The following MYH9 variants were observed in gnomAD, a reference collection of about 807,000 sequenced individuals.
The protein encoded by MYH9 is myosin-9.
In MYH9, 29 loss-of-function variants were observed where a neutral mutation model predicts 241.9. The ratio of observed to expected loss-of-function variants is 0.12; its 90% CI spans 0.09 to 0.16. MYH9 has a LOEUF of 0.16. MYH9 is among the 10% of genes least tolerant of loss of function. MYH9 has a pLI of 1.00. For missense variants in MYH9, 1,803 were observed against 2,595.5 expected (o/e 0.69, Z 6.63); for synonymous variants, 1,047 against 1,062.6 (o/e 0.99, Z 0.29).
intron 1 of MYH9, among the ~76,000 whole-genome samples, chr22:36,381,017 T>G (rs1323754958): frequency 6.6e-6 from 1 of 152,174 alleles, no homozygotes; most frequent in Admixed American, 6.5e-5. Context: ...GTTACTCTAG[T>G]GATGTGACAT....
chr22:36,298,856 C>T (rs1039621890), intron 24 of MYH9, 63 bp downstream of exon 24: 1 of 1,604,702 alleles, frequency 6.2e-7, no homozygotes, highest in Non-Finnish European at 8.5e-7. Context: ...ACAGGCCGGC[C>T]CCTGACCGCC....
chr22:36,294,988 G>T lies in MYH9; in HGVS notation c.3574C>A (p.Gln1192Lys). ...THEAQIQEMR[Q>K]KHSQAVEELA... ...TCCTCCACGGCCTGTGAGTGCTTCT[G>T]CCTCATCTCCTGGATCTGGGCCTCG... The change falls in exon 27 of 41, where the codon CAG becomes AAG. Residue 1192 changes from glutamine (Q) to lysine (K), a missense_variant. Transcript: ENST00000216181. 6.2e-7 allele frequency: 1 copy of T among 1,614,172 alleles called. No individual in the cohort carries two copies. The highest frequency in any genetic ancestry group is 8.5e-7 in the Non-Finnish European group (1 of 1,180,046).
chr22:36,363,329 G>C (rs947063064), intron 1 of MYH9, among the ~76,000 whole-genome samples: 3 of 152,210 alleles, frequency 2.0e-5, no homozygotes, highest in African/African-American at 7.2e-5. Context: ...CTCTTGCCCA[G>C]GGTGCTGCAG....
intron 1 of MYH9, among the ~76,000 whole-genome samples, chr22:36,378,653 G>A (rs1306084630): frequency 2.0e-5 from 3 of 152,112 alleles, no homozygotes; most frequent in Non-Finnish European, 2.9e-5. Context: ...AAGTGGTCAC[G>A]TCCAGCTGGA....
chr22:36,356,029 G>A (rs1053881208), intron 1 of MYH9, among the ~76,000 whole-genome samples: 4 of 152,202 alleles, frequency 2.6e-5, no homozygotes, highest in Non-Finnish European at 5.9e-5. Flanking sequence ...CAGTCTGCCA[G>A]GAGTTGACCT....
Position 36,290,661 on chromosome 22 carries a change from G to A in MYH9, c.4344+1325C>T, listed in dbSNP as rs1006188479. 2.6e-4 allele frequency among the ~76,000 whole-genome samples: 40 copies of A among 151,010 alleles called. 1 individual carries two copies. Among genetic ancestry groups the A allele is most frequent in the Non-Finnish European group, 4.7e-4 (32 of 67,822 alleles). On this transcript the variant is annotated intron_variant, in intron 31 of 40. Transcript: ENST00000216181. Reference sequence around the variant, plus strand: ...CCTGGCTGCCCAGTCTGGAAGGTGAGGGGTGTCTCTGCCCGGCCGCCATCC... The same window carrying A: ...CCTGGCTGCCCAGTCTGGAAGGTGAAGGGTGTCTCTGCCCGGCCGCCATCC...
Position 36,320,983 on chromosome 22 carries a change from C to T in MYH9, c.770-87G>A, listed in dbSNP as rs1486714077. 17 of 1,074,882 alleles carry T rather than the reference C, an allele frequency of 1.6e-5. No individual in the cohort carries two copies. Among genetic ancestry groups the T allele is most frequent in the South Asian group, 1.2e-4 (9 of 75,386 alleles). The allele number at this position is 1,074,882 out of a possible 1,614,324, so 66.6% of individuals were successfully genotyped here. ...TTTTTTTTTTTTGGAGACAGAGTCT[C>T]GCTCTGTCACCCAGGTTGGAGTGCA... On this transcript the variant is annotated intron_variant, in intron 7 of 40. Coordinates refer to ENST00000216181, the MANE Select transcript of MYH9 (RefSeq NM_002473.6). The surrounding 1 kb of genome is among the most constrained non-coding windows in gnomAD (Gnocchi z 4.8).
chr22:36,339,116 G>A (rs1288995698), intron 3 of MYH9, among the ~76,000 whole-genome samples: 1 of 152,188 alleles, frequency 6.6e-6, no homozygotes, highest in Non-Finnish European at 1.5e-5. Flanking sequence ...TGAATCTCTT[G>A]GAGAAGGAGT....
chr22:36,308,569 G>A (rs941077024), intron 15 of MYH9, among the ~76,000 whole-genome samples: 1 of 152,044 alleles, frequency 6.6e-6, no homozygotes, highest in Non-Finnish European at 1.5e-5. Flanking sequence ...AGATTTGAAT[G>A]TGACGTCTCC....
chr22:36,282,268 C>T lies in MYH9; in HGVS notation c.*400G>A, dbSNP rs184405957. ...CAGACGTCAGGGAGGCTGACGACTG[C>T]GGGGGCTCCGACTACCAAAAGGCCT... is the stretch of plus-strand genomic sequence containing the variant. On this transcript the variant is annotated 3_prime_UTR_variant, in exon 41 of 41. Coordinates refer to ENST00000216181, the MANE Select transcript of MYH9 (RefSeq NM_002473.6). The T allele has an allele frequency of 1.3e-5, 5 of 381,120 alleles. No individual in the cohort carries two copies. Among genetic ancestry groups the T allele is most frequent in the Admixed American group, 4.1e-5 (1 of 24,340 alleles). 23.6% of individuals were successfully genotyped at this position (381,120 alleles called of 1,614,324 possible). A position where few individuals can be genotyped will look rare whatever the true frequency, so the allele number is the denominator to read the frequency against.
In MYH9 at chr22:36,288,248, T is replaced by C; in HGVS notation, c.4932+4A>G. The C allele has an allele frequency of 6.2e-7, 1 of 1,610,420 alleles. No homozygotes were observed. The highest frequency in any genetic ancestry group is 8.5e-7 in the Non-Finnish European group (1 of 1,177,826). ...ACCCTCACCTGGGCCCCGCCCACCC[T>C]TACCTGCAGCTTCCGCAGCTGTTTG... On this transcript the variant is annotated splice_donor_region_variant and intron_variant, in intron 34 of 40. Transcript: ENST00000216181. The surrounding 1 kb of genome is among the most constrained non-coding windows in gnomAD (Gnocchi z 4.8).
chr22:36,375,612 C>T (rs909307662), intron 1 of MYH9, among the ~76,000 whole-genome samples: 6 of 152,230 alleles, frequency 3.9e-5, no homozygotes, highest in Non-Finnish European at 7.3e-5. Context: ...GAGTCAGGAG[C>T]TGGAGCACCC....
intron 1 of MYH9, among the ~76,000 whole-genome samples, chr22:36,360,411 A>G (rs2146405246): frequency 6.6e-6 from 1 of 152,240 alleles, no homozygotes; most frequent in Non-Finnish European, 1.5e-5. Context: ...GCAGCCTGCA[A>G]AAAGAAATCT....
chr22:36,338,530 G>A (rs929341567), intron 3 of MYH9, among the ~76,000 whole-genome samples: 4 of 151,970 alleles, frequency 2.6e-5, no homozygotes, highest in African/African-American at 9.7e-5. Context: ...AGATGAAATC[G>A]CCCACCTGGC....
At chr22:36,379,649 C>G (rs2018224892) in intron 1 of MYH9, among the ~76,000 whole-genome samples, 1 of 152,172 alleles carries the variant, frequency 6.6e-6, no homozygotes, top group African/African-American at 2.4e-5. Flanking sequence ...GGAAGTGACT[C>G]GAGGGTGGGG....
At chr22:36,321,548 C>T (rs1049451431) in intron 7 of MYH9, among the ~76,000 whole-genome samples, 5 of 152,200 alleles carry the variant, frequency 3.3e-5, no homozygotes, top group African/African-American at 9.7e-5. Flanking sequence ...ATTCAAAGCA[C>T]AGGTTATCCT....
intron 13 of MYH9, among the ~76,000 whole-genome samples, chr22:36,313,329 G>A (rs8141361): frequency 0.53 from 78,860 of 150,068 alleles, 23,312 homozygotes; most frequent in Non-Finnish European, 0.67. Context: ...GCGGGCGCCT[G>A]TAGTCCCAGC....
At chr22:36,304,751 T>A (rs1428245984) in intron 18 of MYH9, among the ~76,000 whole-genome samples, 1 of 152,194 alleles carries the variant, frequency 6.6e-6, no homozygotes, top group African/African-American at 2.4e-5. Flanking sequence ...AGCAGGAGAA[T>A]GTCCCCCAAA....
chr22:36,357,171 T>C (rs971031206), intron 1 of MYH9, among the ~76,000 whole-genome samples: 5 of 152,072 alleles, frequency 3.3e-5, no homozygotes, highest in African/African-American at 4.8e-5. Context: ...ACATGCAACT[T>C]GCCGTGGGAA....
Sources: gnomAD v4.1 joint callset for allele counts (sites outside exome capture counted in the v4.1 genomes callset) on GRCh38, gnomAD v4.1.1 for gene constraint, Gnocchi (gnomAD v3.1) non-coding constraint, MANE v1.5 for transcripts, NCBI Gene and HGNC (gene_info 2026-07-23, HGNC 2026-07-21) for gene names.